Variants in MAST4 observed in about 807,000 individuals in gnomAD.
MAST4 encodes microtubule associated serine/threonine kinase family member 4.
A neutral mutation model predicts 162.7 loss-of-function variants in MAST4; 89 were observed. The ratio of observed to expected loss-of-function variants is 0.55; its 90% confidence interval spans 0.46 to 0.65. MAST4 has a LOEUF of 0.65. Among genes scored for constraint, MAST4 ranks in the 30% least tolerant of loss-of-function variants. The pLI, the probability that MAST4 is intolerant of heterozygous loss-of-function variation, is 0.00. For missense variants in MAST4, 3,153 were observed against 3,374.0 expected, an observed-to-expected ratio of 0.93 and a Z score of 1.62; for synonymous variants, 1,479 against 1,361.1, an observed-to-expected ratio of 1.09 and a Z score of -1.91.
intron 4 of MAST4, among the ~76,000 whole-genome samples, chr5:66,934,103 A>G (rs1029918870): frequency 1.3e-5 from 2 of 152,222 alleles, no homozygotes; most frequent in African/African-American, 4.8e-5. Context: ...AAAAAGTAGC[A>G]TGTAAAGTAA....
chr5:66,662,043 C>G (rs1170665402), intron 1 of MAST4, among the ~76,000 whole-genome samples: 1 of 151,756 alleles, frequency 6.6e-6, no homozygotes, highest in Non-Finnish European at 1.5e-5. Context: ...TTGCCCTATA[C>G]TGTGCCCAGT....
chr5:66,612,570 A>G (rs570893056), intron 1 of MAST4, among the ~76,000 whole-genome samples: 1 of 152,330 alleles, frequency 6.6e-6, no homozygotes, highest in African/African-American at 2.4e-5. Context: ...AGATCTGGTC[A>G]GGGCCTAAAG....
chr5:66,823,697 A>C (rs1022722529), intron 3 of MAST4, among the ~76,000 whole-genome samples: 1 of 152,064 alleles, frequency 6.6e-6, no homozygotes, highest in Non-Finnish European at 1.5e-5. Flanking sequence ...TCTCCAACCA[A>C]CATGTTCGGC....
chr5:66,689,605 C>A (rs1008121735), intron 1 of MAST4, among the ~76,000 whole-genome samples: 6 of 152,126 alleles, frequency 3.9e-5, no homozygotes, highest in Non-Finnish European at 7.4e-5. Context: ...TCTGAAATAT[C>A]CATGTGGCTT....
At chr5:66,813,018 C>G (rs1479057022) in intron 3 of MAST4, among the ~76,000 whole-genome samples, 2 of 152,150 alleles carry the variant, frequency 1.3e-5, no homozygotes, top group African/African-American at 4.8e-5. Context: ...TGGAATGTTT[C>G]TAGGATTCAG....
chr5:66,666,452 A>T (rs954916908), intron 1 of MAST4, among the ~76,000 whole-genome samples: 1 of 152,194 alleles, frequency 6.6e-6, no homozygotes, highest in Non-Finnish European at 1.5e-5. Flanking sequence ...ACACCAAATG[A>T]ATTGTGTGGT....
chr5:66,740,476 A>G (rs1296853663), intron 1 of MAST4, among the ~76,000 whole-genome samples: 1 of 152,218 alleles, frequency 6.6e-6, no homozygotes, highest in African/African-American at 2.4e-5. Context: ...ATCATCTCCC[A>G]GAAAGAAGGT....
chr5:66,775,678 T>C (rs915232362), intron 2 of MAST4, among the ~76,000 whole-genome samples: 1 of 138,768 alleles, frequency 7.2e-6, no homozygotes, highest in African/African-American at 2.5e-5. Context: ...AAAAGAACAA[T>C]GGTTCTTTTG....
At position 67,114,171 on chromosome 5, in the gene MAST4, C is replaced by A; in HGVS notation, c.1543C>A (p.Pro515Thr). 1 of 1,611,982 alleles carries A rather than the reference C, an allele frequency of 6.2e-7. No individual in the cohort carries two copies. Among genetic ancestry groups the A allele is most frequent in the Non-Finnish European group, 8.5e-7 (1 of 1,179,200 alleles). Reference protein sequence around the residue: ...KEGQGIKTDIPRYIISQLGLN... With the variant: ...KEGQGIKTDITRYIISQLGLN... ...AGGACAGGGTATTAAAACCGACATT[C>A]CCAGGTACATCATTAGCCAACTGGG... Residue 515 changes from proline to threonine, a missense_variant, in exon 12 of 29, where the codon CCC becomes ACC. Physicochemically the swap from Pro to Thr is conservative, Grantham distance 38 (BLOSUM62 -1). This residue lies in a region of MAST4 where 360 missense variants were observed against 450.0 expected (regional missense o/e 0.80). Transcript: ENST00000403625.
intron 11 of MAST4, 90 bp from the exon 12 acceptor site, chr5:67,113,997 C>CA: frequency 6.9e-7 from 1 of 1,448,376 alleles, no homozygotes; most frequent in Non-Finnish European, 9.5e-7. Flanking sequence ...CATGTATACC[C>CA]AGCAGTTATA....
chr5:66,879,773 A>G (rs1321989499), intron 3 of MAST4, among the ~76,000 whole-genome samples: 4 of 152,220 alleles, frequency 2.6e-5, no homozygotes, highest in Non-Finnish European at 4.4e-5. Context: ...TTGGCCTCCC[A>G]AAGTTCTGGG....
Position 66,967,684 on chromosome 5 carries a change from T to TAAA in MAST4, c.674+67717_674+67719dup, listed in dbSNP as rs549249080. Among the ~76,000 whole-genome samples the TAAA allele has an allele frequency of 8.7e-3, 984 of 112,910 alleles. 11 individuals are homozygous for TAAA. Among genetic ancestry groups the TAAA allele is most frequent in the African/African-American group, 0.03 (938 of 30,774 alleles). The allele number at this position is 112,910 out of a possible 152,430, so 74.1% of individuals were successfully genotyped here. On this transcript the variant is annotated intron_variant, in intron 4 of 28. Coordinates refer to ENST00000403625, the MANE Select transcript of MAST4 (RefSeq NM_001164664.2). ...TCCATCTTGAAAATCTCACACTCCT[T>TAAA]AAAAAAAAAAAAAAAAAGAAAAACA...
chr5:66,687,484 A>C (rs750876622), intron 1 of MAST4, among the ~76,000 whole-genome samples: 7 of 150,458 alleles, frequency 4.7e-5, no homozygotes, highest in Non-Finnish European at 7.4e-5. Flanking sequence ...ATATGTATAC[A>C]TACATATATG....
At chr5:66,994,771 A>G (rs774974633) in intron 4 of MAST4, among the ~76,000 whole-genome samples, 4 of 152,212 alleles carry the variant, frequency 2.6e-5, no homozygotes, top group South Asian at 4.1e-4. Flanking sequence ...AGAAAGGAGG[A>G]AGTAATCCCA....
chr5:66,642,401 T>C (rs1048951427), intron 1 of MAST4, among the ~76,000 whole-genome samples: 2 of 152,224 alleles, frequency 1.3e-5, no homozygotes, highest in African/African-American at 4.8e-5. Flanking sequence ...ATTATTTTCA[T>C]CTTGGTTCAA....
At chr5:67,082,479 A>G (rs746646655) in intron 5 of MAST4, among the ~76,000 whole-genome samples, 1 of 152,170 alleles carries the variant, frequency 6.6e-6, no homozygotes, top group Non-Finnish European at 1.5e-5. Flanking sequence ...CAGAGGTACA[A>G]CTGAGGAACT....
chr5:66,847,805 A>G (rs1361114730), intron 3 of MAST4, among the ~76,000 whole-genome samples: 1 of 140,910 alleles, frequency 7.1e-6, no homozygotes, highest in East Asian at 2.1e-4. Flanking sequence ...TGGGTGCTGG[A>G]ACAAGACTCC....
chr5:66,969,493 G>A (rs1223332888), intron 4 of MAST4, among the ~76,000 whole-genome samples: 1 of 152,224 alleles, frequency 6.6e-6, no homozygotes, highest in African/African-American at 2.4e-5. Context: ...CAAGAATGGA[G>A]CATATGGTGG....
rs766181333 is a variant in MAST4 at position 67,164,003 on chromosome 5, C to G, written c.4824C>G (p.His1608Gln). The change falls in exon 29 of 29, where the codon CAC becomes CAG. Residue 1608 changes from histidine (H) to glutamine (Q), a missense_variant. This residue lies in a region of MAST4 where 1,644 missense variants were observed against 1,495.0 expected (regional missense o/e 1.10). Coordinates refer to ENST00000403625, the MANE Select transcript of MAST4 (RefSeq NM_001164664.2). This position sits in a 1 kb window ranked among gnomAD's most constrained non-coding sequence, Gnocchi z 5.3. ...PLGSLLKDAL[H>Q]KQASVRASEG... is the part of the protein sequence containing the mutation. ...GCAGCCTGCTGAAGGATGCTCTTCACAAGCAGGCCAGCGTGCGCGCCAGCG... is the reference window on the plus strand; with the variant it reads ...GCAGCCTGCTGAAGGATGCTCTTCAGAAGCAGGCCAGCGTGCGCGCCAGCG... 6.2e-6 allele frequency: 10 copies of G among 1,600,648 alleles called. No homozygotes were observed. Among genetic ancestry groups the G allele is most frequent in the Non-Finnish European group, 7.7e-6 (9 of 1,173,758 alleles).
Sources: gnomAD v4.1 joint callset for allele counts (sites outside exome capture counted in the v4.1 genomes callset) on GRCh38, gnomAD v4.1.1 for gene constraint, gnomAD v4.1.1 regional missense constraint, Gnocchi (gnomAD v3.1) non-coding constraint, MANE v1.5 for transcripts, NCBI Gene and HGNC (gene_info 2026-07-23, HGNC 2026-07-21) for gene names.